The following USP12 variants were observed in gnomAD, a reference collection of about 807,000 sequenced individuals.
USP12 encodes the protein ubiquitin specific peptidase 12, also known as ubiquitin carboxyl-terminal hydrolase 12.
In USP12, 19 loss-of-function variants were observed where a neutral mutation model predicts 45.5. That is an observed-to-expected ratio of 0.42 (90% CI 0.29 to 0.61). The LOEUF (loss-of-function observed/expected upper bound fraction) is 0.61. USP12 is among the 20% of genes least tolerant of loss of function. USP12 has a pLI of 0.22. For synonymous variants in USP12, 149 were observed against 148.8 expected, an observed-to-expected ratio of 1.00 and a Z score of -0.01; for missense variants, 242 against 447.7, an observed-to-expected ratio of 0.54 and a Z score of 4.15.
rs1028717204 is a variant in USP12 at position 27,081,338 on chromosome 13, T to G, written c.735-5950A>C. ...CACAGCATGTTAACCAGGAGTAGAT[T>G]CCATCTCAACAAACCACATTCTTTG... On this transcript the variant is annotated intron_variant, in intron 6 of 8. Coordinates refer to ENST00000282344, the MANE Select transcript of USP12 (RefSeq NM_182488.4). Among the ~76,000 whole-genome samples, 12 of 152,340 alleles carry G rather than the reference T, an allele frequency of 7.9e-5. No homozygotes were observed. In the East Asian group the frequency reaches 2.1e-3, roughly 27 times the overall value.
chr13:27,162,500 T>C (rs1314978625), intron 1 of USP12, among the ~76,000 whole-genome samples: 2 of 152,202 alleles, frequency 1.3e-5, no homozygotes, highest in Non-Finnish European at 2.9e-5. Context: ...ATGGGGCTAA[T>C]ACTACCTAAC....
intron 1 of USP12, among the ~76,000 whole-genome samples, chr13:27,165,103 A>T (rs1480162111): frequency 6.6e-6 from 1 of 151,890 alleles, no homozygotes; most frequent in Non-Finnish European, 1.5e-5. Context: ...TTTTTCTTCT[A>T]AAAGTATTAG....
intron 6 of USP12, among the ~76,000 whole-genome samples, chr13:27,076,029 CAAAAA>C (rs11458818): frequency 1.0e-5 from 1 of 98,040 alleles, no homozygotes. Flanking sequence ...GGCTCCGTCT[CAAAAA>C]AAAAAAAAAA....
chr13:27,072,162 A>G (rs1439850811), intron 7 of USP12, among the ~76,000 whole-genome samples: 1 of 152,178 alleles, frequency 6.6e-6, no homozygotes, highest in Non-Finnish European at 1.5e-5. Context: ...AAAAGCATTT[A>G]ATGCTTTAAG....
At chr13:27,156,265 T>G (rs906381453) in intron 1 of USP12, among the ~76,000 whole-genome samples, 2 of 149,842 alleles carry the variant, frequency 1.3e-5, no homozygotes, top group East Asian at 3.9e-4. Flanking sequence ...CCTCTTAATC[T>G]ACCAGATTAC....
At chr13:27,125,065 G>A (rs1876162651) in intron 1 of USP12, among the ~76,000 whole-genome samples, 1 of 152,140 alleles carries the variant, frequency 6.6e-6, no homozygotes, top group Admixed American at 6.5e-5. Flanking sequence ...GAGTGGTGAG[G>A]TCTTTGCAGT....
chr13:27,130,724 G>A (rs1876461422), intron 1 of USP12, among the ~76,000 whole-genome samples: 1 of 152,162 alleles, frequency 6.6e-6, no homozygotes, highest in South Asian at 2.1e-4. Context: ...AGCTGAGCAC[G>A]CTTACTTCCC....
chr13:27,078,163 C>T (rs1473240253), intron 6 of USP12, among the ~76,000 whole-genome samples: 3 of 151,468 alleles, frequency 2.0e-5, no homozygotes, highest in African/African-American at 7.3e-5. Context: ...ATTGGGAGTT[C>T]CACATCCACA....
intron 3 of USP12, among the ~76,000 whole-genome samples, chr13:27,100,086 C>T (rs1393970468): frequency 6.6e-6 from 1 of 152,132 alleles, no homozygotes; most frequent in Non-Finnish European, 1.5e-5. Flanking sequence ...CTCAGCAGTC[C>T]ACTCCATCCC....
At chr13:27,118,202 G>T in intron 1 of USP12, among the ~76,000 whole-genome samples, 1 of 151,776 alleles carries the variant, frequency 6.6e-6, no homozygotes. Flanking sequence ...ACCTTTGTTA[G>T]ACATGCATCT....
At chr13:27,101,065 G>A (rs1874843045) in intron 3 of USP12, among the ~76,000 whole-genome samples, 1 of 152,170 alleles carries the variant, frequency 6.6e-6, no homozygotes, top group Non-Finnish European at 1.5e-5. Context: ...TTAACACAGA[G>A]CAATGATTTC....
At position 27,098,400 on chromosome 13, in the gene USP12, T is replaced by A. The variant is rs1043588872; in HGVS notation, c.344-2570A>T. Among the ~76,000 whole-genome samples the A allele has an allele frequency of 4.7e-5, 7 of 149,750 alleles. 1 individual carries two copies. Among genetic ancestry groups the A allele is most frequent in the Admixed American group, 1.3e-4 (2 of 15,082 alleles). On this transcript the variant is annotated intron_variant, in intron 3 of 8. Transcript: ENST00000282344. ...ACCCTTTACAAAACAAGAAAAAAAA[T>A]TTTAAAAACTGGCAAAGGAAAATAG...
intron 1 of USP12, among the ~76,000 whole-genome samples, chr13:27,149,197 T>C (rs185266165): frequency 4.9e-4 from 75 of 151,988 alleles, no homozygotes; most frequent in African/African-American, 1.6e-3. Flanking sequence ...AAAGAAAAGA[T>C]TGATTTACGG....
At chr13:27,143,642 GAATCA>G (rs1877173116) in intron 1 of USP12, among the ~76,000 whole-genome samples, 2 of 152,252 alleles carry the variant, frequency 1.3e-5, no homozygotes, top group African/African-American at 4.8e-5. Context: ...GTCTCCACTT[GAATCA>G]AATCATCAAA....
chr13:27,118,683 C>T (rs1252999675), intron 1 of USP12, among the ~76,000 whole-genome samples: 1 of 152,138 alleles, frequency 6.6e-6, no homozygotes, highest in South Asian at 2.1e-4. Context: ...CCGACCAAAA[C>T]AGAAGAAAAG....
At chr13:27,077,720 C>G (rs938071161) in intron 6 of USP12, 1 of 152,004 alleles carries the variant, frequency 6.6e-6, no homozygotes, top group South Asian at 2.1e-4. Flanking sequence ...CTTGAACATA[C>G]GTGTAAGGAG....
At chr13:27,110,633 T>C (rs1233692551) in intron 2 of USP12, among the ~76,000 whole-genome samples, 1 of 152,168 alleles carries the variant, frequency 6.6e-6, no homozygotes, top group Admixed American at 6.6e-5. Context: ...TTAAGAGGTA[T>C]GTGATTAAAG....
rs141265831 is a variant in USP12, at chr13:27,124,478, T to G, written c.49-7882A>C. Among the ~76,000 whole-genome samples, 592 of 152,360 alleles carry G rather than the reference T, an allele frequency of 3.9e-3. 3 individuals are homozygous for G. Among genetic ancestry groups the G allele is most frequent in the African/African-American group, 0.014 (577 of 41,580 alleles). ...GTATTTAAATAGCCAAACTATTAGT[T>G]TCCACACAACTTTAATATAAATAAA... On this transcript the variant is annotated intron_variant, in intron 1 of 8. Transcript: ENST00000282344.
intron 3 of USP12, among the ~76,000 whole-genome samples, chr13:27,097,714 G>C (rs749203063): frequency 6.6e-6 from 1 of 152,142 alleles, no homozygotes; most frequent in Non-Finnish European, 1.5e-5. Context: ...ACAAGGCTGG[G>C]AGGAAGATTA....
Sources: allele counts gnomAD v4.1 joint callset (sites outside exome capture counted in the v4.1 genomes callset), GRCh38; gene constraint gnomAD v4.1.1; transcripts MANE v1.5; gene names NCBI Gene and HGNC (gene_info 2026-07-23, HGNC 2026-07-21).